QKI: variants seen among roughly 807,000 people sequenced by gnomAD.
QKI encodes the protein KH domain-containing RNA-binding protein QKI.
QKI carries 10 observed loss-of-function variants against 39.0 expected under a neutral mutation model. That is an observed-to-expected ratio of 0.26 (90% CI 0.16 to 0.43). QKI has a LOEUF of 0.43. Ranked by LOEUF, QKI falls within the 20% of genes least tolerant of loss-of-function variation. The pLI, the probability that QKI is intolerant of heterozygous loss-of-function variation, is 1.00. For synonymous variants in QKI, 204 were observed against 155.4 expected (o/e 1.31, Z -2.33); for missense variants, 218 against 428.0 (o/e 0.51, Z 4.33).
Position 163,516,319 on chromosome 6 carries a change from G to T in QKI, c.403-18663G>T, listed in dbSNP as rs543354318. On this transcript the variant is annotated intron_variant, in intron 3 of 7. Transcript: ENST00000361752. ...TTTATTTATTTATTTTTTTGAGACG[G>T]AGTCTGGCTCTGTCGCCCAGGCTGG... Among the ~76,000 whole-genome samples the T allele has an allele frequency of 4.6e-5, 7 of 152,152 alleles. No individual in the cohort carries two copies. In the South Asian group the frequency reaches 1.5e-3, roughly 32 times the overall value.
At chr6:163,531,285 C>G (rs1780833633) in intron 3 of QKI, among the ~76,000 whole-genome samples, 2 of 152,140 alleles carry the variant, frequency 1.3e-5, no homozygotes. Context: ...AGATGGCCGG[C>G]CAGCCCAGCT....
At chr6:163,438,171 A>G (rs1332415982) in intron 1 of QKI, among the ~76,000 whole-genome samples, 1 of 152,192 alleles carries the variant, frequency 6.6e-6, no homozygotes, top group African/African-American at 2.4e-5. Flanking sequence ...AGTATTTTTT[A>G]TGCCTACAAA....
intron 3 of QKI, among the ~76,000 whole-genome samples, chr6:163,498,151 C>T (rs1402258597): frequency 3.1e-5 from 4 of 130,076 alleles, no homozygotes; most frequent in Admixed American, 8.9e-5. Flanking sequence ...GGATTTAATT[C>T]ATGTTCTTCA....
At chr6:163,566,323 C>T (rs1310985772) in intron 6 of QKI, 2 of 1,192,848 alleles carry the variant, frequency 1.7e-6, no homozygotes, top group African/African-American at 3.1e-5. Flanking sequence ...GTGATAAACT[C>T]TTGAAGTGGT....
In QKI at chr6:163,571,504, A is replaced by T. The variant is rs909287894; in HGVS notation, c.*794A>T. ...ACATTACTGGGCAAACTGTTCAAGT[A>T]TTTTTTTTTAAACCTCCCTGTATAG... On this transcript the variant is annotated 3_prime_UTR_variant, in exon 8 of 8. Transcript: ENST00000361752. 2.6e-5 allele frequency: 4 copies of T among 151,374 alleles called. No homozygotes were observed. The highest frequency in any genetic ancestry group is 5.9e-5 in the Non-Finnish European group (4 of 67,792). 9.4% of individuals were successfully genotyped at this position (151,374 alleles called of 1,614,324 possible). A position where few individuals can be genotyped will look rare whatever the true frequency, so the allele number is the denominator to read the frequency against.
At chr6:163,455,134 C>T in intron 1 of QKI, 145 bp from the exon 2 acceptor site, 1 of 567,138 alleles carries the variant, frequency 1.8e-6, no homozygotes, top group Non-Finnish European at 2.9e-6. Context: ...GGGCTTAATC[C>T]AGAGAATGAT....
intron 3 of QKI, among the ~76,000 whole-genome samples, chr6:163,492,842 T>G (rs567920276): frequency 2.6e-5 from 4 of 152,276 alleles, no homozygotes; most frequent in African/African-American, 7.2e-5. Context: ...AACAGCACAT[T>G]GTTTAGAACG....
In QKI at chr6:163,573,957, A is replaced by T. The variant is rs541286153; in HGVS notation, c.*3247A>T. The stretch of plus-strand genomic sequence containing the variant: ...GTTTTTATGTTGTTTGTCAGCTGAC[A>T]GTTTTGCACACTACTGTTAAAATGG... On this transcript the variant is annotated 3_prime_UTR_variant, in exon 8 of 8. Transcript: ENST00000361752. 1 of 151,026 alleles carries T rather than the reference A, an allele frequency of 6.6e-6. No homozygotes were observed. Among genetic ancestry groups the T allele is most frequent in the East Asian group, 2.0e-4 (1 of 5,122 alleles). 9.4% of individuals were successfully genotyped at this position (151,026 alleles called of 1,614,324 possible). A position where few individuals can be genotyped will look rare whatever the true frequency, so the allele number is the denominator to read the frequency against.
At chr6:163,564,956 A>T in intron 6 of QKI, 1 of 1,312,372 alleles carries the variant, frequency 7.6e-7, no homozygotes, top group Non-Finnish European at 9.7e-7. Flanking sequence ...GAACTGGAGA[A>T]CACTAAGATT....
intron 2 of QKI, among the ~76,000 whole-genome samples, chr6:163,474,400 A>G (rs1792426364): frequency 6.6e-6 from 1 of 152,160 alleles, no homozygotes; most frequent in South Asian, 2.1e-4. Context: ...AGGTGATGTG[A>G]TTGTTTAGCA....
chr6:163,519,043 A>G (rs4708997), intron 3 of QKI, among the ~76,000 whole-genome samples: 105,159 of 152,014 alleles, frequency 0.69, 37,436 homozygotes, highest in East Asian at 1. Flanking sequence ...TAGTCACTGG[A>G]CTTTCTGTTC....
At chr6:163,530,155 C>T (rs1208613623) in intron 3 of QKI, among the ~76,000 whole-genome samples, 1 of 152,156 alleles carries the variant, frequency 6.6e-6, no homozygotes, top group African/African-American at 2.4e-5. Flanking sequence ...TTTTTTTCCA[C>T]ATCAGTATCT....
intron 1 of QKI, among the ~76,000 whole-genome samples, chr6:163,439,617 G>A (rs1416098858): frequency 6.7e-6 from 1 of 149,462 alleles, no homozygotes; most frequent in African/African-American, 2.5e-5. Flanking sequence ...GCCTCCCAAA[G>A]TGTTGAGATT....
chr6:163,504,453 T>G (rs1778974145), intron 3 of QKI, among the ~76,000 whole-genome samples: 1 of 152,208 alleles, frequency 6.6e-6, no homozygotes, highest in Non-Finnish European at 1.5e-5. Context: ...TTGGGCAGTA[T>G]TGTCATTTTA....
chr6:163,551,041 A>G (rs1782206664), intron 4 of QKI, among the ~76,000 whole-genome samples: 1 of 152,062 alleles, frequency 6.6e-6, no homozygotes, highest in Non-Finnish European at 1.5e-5. Context: ...TATCTAATTC[A>G]TTGATTCCTG....
chr6:163,491,934 C>A (rs879339759), intron 3 of QKI, among the ~76,000 whole-genome samples: 23 of 152,164 alleles, frequency 1.5e-4, no homozygotes, highest in Non-Finnish European at 3.2e-4. Flanking sequence ...AGACGTGAGT[C>A]TCAGTGAAAA....
In QKI at chr6:163,531,694, A is replaced by G. The variant is rs550392940; in HGVS notation, c.403-3288A>G. Among the ~76,000 whole-genome samples, 388 of 152,284 alleles carry G rather than the reference A, an allele frequency of 2.5e-3. 12 individuals are homozygous for G. Among genetic ancestry groups the G allele is most frequent in the Non-Finnish European group, 3.1e-3 (209 of 68,032 alleles). On this transcript the variant is annotated intron_variant, in intron 3 of 7. Transcript: ENST00000361752. ...TTTTATTTATTTATTTATAATAGAC[A>G]CAGGGTCTGACTGTTCCCCAGGCTG...
chr6:163,471,751 A>G (rs948119508), intron 2 of QKI, among the ~76,000 whole-genome samples: 2 of 152,180 alleles, frequency 1.3e-5, no homozygotes, highest in African/African-American at 4.8e-5. Context: ...AGTAGAGGAC[A>G]TAGAAAACAC....
At chr6:163,476,927 A>T (rs1274425865) in intron 2 of QKI, among the ~76,000 whole-genome samples, 1 of 152,078 alleles carries the variant, frequency 6.6e-6, no homozygotes, top group Non-Finnish European at 1.5e-5. Context: ...TGCCATCATC[A>T]CTATAGCTCT....
Sources: gnomAD v4.1 joint callset for allele counts (sites outside exome capture counted in the v4.1 genomes callset) on GRCh38, gnomAD v4.1.1 for gene constraint, MANE v1.5 for transcripts, NCBI Gene and HGNC (gene_info 2026-07-23, HGNC 2026-07-21) for gene names.